GFRAL: variants seen among roughly 807,000 people sequenced by gnomAD.
The protein encoded by GFRAL is GDNF family receptor alpha-like.
Under a neutral mutation model 45.4 loss-of-function variants are expected in GFRAL, and 36 were observed. The observed-to-expected ratio is 0.79, with a 90% CI of 0.61 to 1.05. GFRAL has a LOEUF of 1.05. Ranked by LOEUF, GFRAL falls within the 50% of genes least tolerant of loss-of-function variation. The probability of loss-of-function intolerance (pLI) is 0.00; values close to 1 mark genes in which losing one functional copy is unlikely to be tolerated. For synonymous variants in GFRAL, 166 were observed against 154.1 expected (o/e 1.08, Z -0.57); for missense variants, 507 against 467.5 (o/e 1.08, Z -0.78).
chr6:55,337,105 C>T (rs769543910), intron 3 of GFRAL, among the ~76,000 whole-genome samples: 16 of 151,904 alleles, frequency 1.1e-4, no homozygotes, highest in Non-Finnish European at 1.5e-4. Flanking sequence ...AGAACTTATT[C>T]CTTCTATGTT....
chr6:55,358,826 T>G (rs897442091), intron 5 of GFRAL, 62 bp from the exon 6 acceptor site: 44 of 1,494,436 alleles, frequency 2.9e-5, no homozygotes, highest in Non-Finnish European at 4.0e-5. Flanking sequence ...TGAGGGGGGA[T>G]CACATGTTAA....
chr6:55,367,251 C>A (rs1209776680), intron 6 of GFRAL, among the ~76,000 whole-genome samples: 1 of 130,548 alleles, frequency 7.7e-6, no homozygotes, highest in East Asian at 2.0e-4. Context: ...TTATCAGAGA[C>A]TAGGATTGCA....
At chr6:55,338,782 C>T (rs1255817358) in intron 3 of GFRAL, among the ~76,000 whole-genome samples, 2 of 152,048 alleles carry the variant, frequency 1.3e-5, no homozygotes, top group South Asian at 2.1e-4. Context: ...AAGCTGGATA[C>T]TAGAATGGAA....
chr6:55,401,614 G>A (rs1282317025), intron 8 of GFRAL, among the ~76,000 whole-genome samples, 176 bp from the exon 9 acceptor site: 1 of 152,148 alleles, frequency 6.6e-6, no homozygotes, highest in Non-Finnish European at 1.5e-5. Context: ...CATAGTTAAA[G>A]GTGTGATGCT....
chr6:55,362,167 A>G (rs994360090), intron 6 of GFRAL, among the ~76,000 whole-genome samples: 2 of 151,868 alleles, frequency 1.3e-5, no homozygotes, highest in African/African-American at 4.8e-5. Flanking sequence ...AAATAAATTT[A>G]TGAGATTAAA....
intron 6 of GFRAL, among the ~76,000 whole-genome samples, chr6:55,398,423 T>C (rs1768853962): frequency 6.6e-6 from 1 of 152,226 alleles, no homozygotes; most frequent in African/African-American, 2.4e-5. Flanking sequence ...TTCATATTTG[T>C]GTACAATTAC....
chr6:55,383,664 A>G (rs372682536), intron 6 of GFRAL, among the ~76,000 whole-genome samples: 5 of 152,024 alleles, frequency 3.3e-5, no homozygotes, highest in African/African-American at 1.2e-4. Flanking sequence ...TGCATTTCTC[A>G]GAATGTATTC....
Position 55,351,330 on chromosome 6 carries a change from T to G in GFRAL, c.448T>G (p.Ser150Ala), listed in dbSNP as rs1470011963. The change falls in exon 5 of 9, where the codon TCT becomes GCT. Residue 150 changes from serine (S) to alanine (A), a missense_variant. Transcript: ENST00000340465. ...GDVVCNAQLASYLKACSANGN... is the reference protein window; with the variant it reads ...GDVVCNAQLAAYLKACSANGN... ...TGTGGTCTGTAATGCACAGTTGGCCTCTTACCTTAAAGCTTGCTCAGCAAA... is the reference window on the plus strand; with the variant it reads ...TGTGGTCTGTAATGCACAGTTGGCCGCTTACCTTAAAGCTTGCTCAGCAAA... 1 of 1,613,674 alleles carries G rather than the reference T, an allele frequency of 6.2e-7. No homozygotes were observed. Among genetic ancestry groups the G allele is most frequent in the South Asian group, 1.1e-5 (1 of 91,076 alleles).
Position 55,351,911 on chromosome 6 carries a change from T to TG in GFRAL, c.701+328_701+329insG, listed in dbSNP as rs1482852673. 7.2e-5 allele frequency among the ~76,000 whole-genome samples: 11 copies of TG among 152,208 alleles called. No homozygotes were observed. The East Asian group carries it at 7.7e-4, about 11-fold the overall frequency. On this transcript the variant is annotated intron_variant, in intron 5 of 8. Coordinates refer to ENST00000340465, the MANE Select transcript of GFRAL (RefSeq NM_207410.2). ...TACATATCAGCTTTTTAATTTTTTTTTTGTTGTTTGTTTAATTATGTAAGG... is the reference window on the plus strand; with the variant it reads ...TACATATCAGCTTTTTAATTTTTTTTGTTGTTGTTTGTTTAATTATGTAAGG...
chr6:55,343,832 A>G (rs1768003253), intron 3 of GFRAL, among the ~76,000 whole-genome samples: 1 of 152,228 alleles, frequency 6.6e-6, no homozygotes, highest in Non-Finnish European at 1.5e-5. Context: ...GCAATAAAAA[A>G]TGATAAAGGG....
chr6:55,329,939 A>G (rs977142232), intron 1 of GFRAL, among the ~76,000 whole-genome samples: 1 of 152,180 alleles, frequency 6.6e-6, no homozygotes, highest in African/African-American at 2.4e-5. Flanking sequence ...GCATTTAAAA[A>G]TTCAAATAAT....
At chr6:55,337,794 A>G (rs1767911087) in intron 3 of GFRAL, among the ~76,000 whole-genome samples, 1 of 152,084 alleles carries the variant, frequency 6.6e-6, no homozygotes, top group African/African-American at 2.4e-5. Context: ...TTTTATGTTT[A>G]CATATTGATA....
Position 55,327,549 on chromosome 6 carries a change from T to C in GFRAL, c.-6T>C. ...TTTCCAGGTGAACTGCCGTGAGTTG[T>C]CCAGCATGATAGTGTTTATTTTCTT... On this transcript the variant is annotated 5_prime_UTR_variant, in exon 1 of 9. Transcript: ENST00000340465. 1.9e-6 allele frequency: 3 copies of C among 1,612,934 alleles called. No homozygotes were observed. Among genetic ancestry groups the C allele is most frequent in the South Asian group, 1.1e-5 (1 of 90,998 alleles).
At chr6:55,369,906 T>G (rs1768427957) in intron 6 of GFRAL, among the ~76,000 whole-genome samples, 1 of 152,176 alleles carries the variant, frequency 6.6e-6, no homozygotes, top group African/African-American at 2.4e-5. Context: ...GCTGTTTGTG[T>G]GGATATGTGA....
intron 6 of GFRAL, among the ~76,000 whole-genome samples, chr6:55,373,497 T>A (rs1421632372): frequency 1.3e-5 from 2 of 152,172 alleles, no homozygotes; most frequent in Non-Finnish European, 2.9e-5. Context: ...TTGCTTTTTA[T>A]CAGTTACATG....
intron 6 of GFRAL, among the ~76,000 whole-genome samples, chr6:55,369,036 C>G (rs1360003561): frequency 0.18 from 26,595 of 148,432 alleles, 2,819 homozygotes; most frequent in African/African-American, 0.29. Flanking sequence ...CGCCCCTACC[C>G]CAGCCTGGCT....
chr6:55,336,813 G>A (rs1014335942), intron 3 of GFRAL, among the ~76,000 whole-genome samples: 10 of 152,072 alleles, frequency 6.6e-5, no homozygotes, highest in South Asian at 2.1e-4. Context: ...TTAGGAGAAA[G>A]GCATTCAGTT....
intron 6 of GFRAL, among the ~76,000 whole-genome samples, chr6:55,391,883 G>T (rs1446377594): frequency 6.6e-6 from 1 of 152,148 alleles, no homozygotes; most frequent in African/African-American, 2.4e-5. Context: ...GCTTTCTAAT[G>T]AAAATCTCTG....
At chr6:55,390,888 A>G (rs1049596822) in intron 6 of GFRAL, among the ~76,000 whole-genome samples, 2 of 90,474 alleles carry the variant, frequency 2.2e-5, no homozygotes, top group East Asian at 6.0e-4. Flanking sequence ...ACTCCATCTC[A>G]CACACATACA....
Sources: gnomAD v4.1 joint callset for allele counts (sites outside exome capture counted in the v4.1 genomes callset) on GRCh38, gnomAD v4.1.1 for gene constraint, MANE v1.5 for transcripts, NCBI Gene and HGNC (gene_info 2026-07-23, HGNC 2026-07-21) for gene names.